The following LAMA1 variants were observed in gnomAD, a reference collection of about 807,000 sequenced individuals.
LAMA1 encodes the protein laminin subunit alpha-1.
In LAMA1, 219 loss-of-function variants were observed where a neutral mutation model predicts 348.7. That is an observed-to-expected ratio of 0.63 (90% CI 0.56 to 0.70). The LOEUF (loss-of-function observed/expected upper bound fraction) is 0.70, where lower values mean the gene tolerates loss of function less well. LAMA1 is among the 30% of genes least tolerant of loss of function. LAMA1 has a pLI of 0.00. For missense variants in LAMA1, 3,744 were observed against 3,888.0 expected, an observed-to-expected ratio of 0.96 and a Z score of 0.99; for synonymous variants, 1,487 against 1,491.0, an observed-to-expected ratio of 1.00 and a Z score of 0.06.
chr18:6,985,625 G>T lies in LAMA1; in HGVS notation c.5398C>A (p.Gln1800Lys). The T allele has an allele frequency of 6.2e-7, 1 of 1,613,474 alleles. No individual in the cohort carries two copies. The highest frequency in any genetic ancestry group is 1.1e-5 in the South Asian group (1 of 91,036). The change falls in exon 38 of 63, where the codon CAA (glutamine) becomes AAA (lysine). Residue 1800 changes from glutamine to lysine, a missense_variant. Physicochemically the swap from Gln to Lys is moderately conservative, Grantham distance 53. This residue lies in a region of LAMA1 where 1,983 missense variants were observed against 1,934.3 expected (regional missense o/e 1.03). Coordinates refer to ENST00000389658, the MANE Select transcript of LAMA1 (RefSeq NM_005559.4). The stretch of plus-strand genomic sequence containing the variant: ...TCTGAGGTCAGATTTTGTTCTTCTT[G>T]AACATGCAGCTTTTTATCCTGCAGC... ...REFSDKKLHV[Q>K]EEQNLTSELI...
At chr18:7,112,723 G>A (rs532352346) in intron 1 of LAMA1, among the ~76,000 whole-genome samples, 7 of 150,578 alleles carry the variant, frequency 4.6e-5, no homozygotes, top group African/African-American at 1.7e-4. Flanking sequence ...CACAACTTCC[G>A]CCTCCAGGGT....
intron 50 of LAMA1, among the ~76,000 whole-genome samples, chr18:6,965,004 A>G (rs940118282): frequency 6.6e-6 from 1 of 152,210 alleles, no homozygotes; most frequent in Non-Finnish European, 1.5e-5. Flanking sequence ...GCTAAATAAG[A>G]GCAGTATGCA....
In LAMA1 at chr18:7,012,592, AC is replaced by A. The variant is rs2057866494; in HGVS notation, c.3364-455del. Among the ~76,000 whole-genome samples, 3 of 149,552 alleles carry A rather than the reference AC, an allele frequency of 2.0e-5. No individual in the cohort carries two copies. In the South Asian group the frequency reaches 6.4e-4, roughly 32 times the overall value. On this transcript the variant is annotated intron_variant, in intron 23 of 62. Transcript: ENST00000389658. Reference sequence around the variant, plus strand: ...ACAATCTTGGCTCACTGCAACCTCCACCCCCCGGGTTCAAGCGATTCTCCTG... The same window carrying A: ...ACAATCTTGGCTCACTGCAACCTCCACCCCCGGGTTCAAGCGATTCTCCTG...
rs192340222 is a variant in LAMA1 at position 6,965,312 on chromosome 18, C to A, written c.7171G>T (p.Ala2391Ser). 2.0e-5 allele frequency: 32 copies of A among 1,614,152 alleles called. No homozygotes were observed. The African/African-American group carries it at 3.9e-4, about 19-fold the overall frequency. ...RYNNGTWYKI[A>S]FQRNRKQGVL... The stretch of plus-strand genomic sequence containing the variant: ...CCTTGCTTCCGGTTTCGCTGGAAGG[C>A]AATTTTGTACCAGGTTCCATTGTTA... The change falls in exon 50 of 63, where the codon GCC becomes TCC. Residue 2391 changes from alanine (A) to serine (S), a missense_variant. By Grantham distance (99) the Ala-to-Ser change is moderately conservative (BLOSUM62 1). This residue lies in a region of LAMA1 where 1,983 missense variants were observed against 1,934.3 expected (regional missense o/e 1.03). Transcript: ENST00000389658.
At position 6,985,284 on chromosome 18, in the gene LAMA1, A is replaced by T; in HGVS notation, c.5613T>A (p.Ala1871=). 1 of 1,614,210 alleles carries T rather than the reference A, an allele frequency of 6.2e-7. No individual in the cohort carries two copies. Among genetic ancestry groups the T allele is most frequent in the Non-Finnish European group, 8.5e-7 (1 of 1,180,046 alleles). The part of the protein sequence containing the change: ...QRNAVDLVYR[A]EDHAAEFQRL... Reference sequence around the variant, plus strand: ...TCTGGAACTCAGCGGCATGGTCCTCAGCTCTGTAGACCAGGTCGACTGCGT... The same window carrying T: ...TCTGGAACTCAGCGGCATGGTCCTCTGCTCTGTAGACCAGGTCGACTGCGT... The change falls in exon 39 of 63, where the codon GCT becomes GCA. Residue 1871 remains alanine (A), a synonymous_variant. Transcript: ENST00000389658.
At chr18:7,105,422 G>C (rs2058307912) in intron 1 of LAMA1, among the ~76,000 whole-genome samples, 1 of 151,532 alleles carries the variant, frequency 6.6e-6, no homozygotes, top group South Asian at 2.1e-4. Flanking sequence ...CTCGGCGACA[G>C]AGTGAGACTT....
At chr18:7,065,600 ACCT>A (rs1304232959) in intron 3 of LAMA1, among the ~76,000 whole-genome samples, 1 of 151,440 alleles carries the variant, frequency 6.6e-6, no homozygotes, top group African/African-American at 2.4e-5. Context: ...GGTGGCACGC[ACCT>A]GTAGTCCCAG....
In LAMA1 at chr18:7,042,315, A is replaced by G. The variant is rs370334917; in HGVS notation, c.1156-65T>C. The G allele has an allele frequency of 2.0e-5, 19 of 949,942 alleles. No individual in the cohort carries two copies. In the East Asian group the frequency reaches 3.6e-4, roughly 18 times the overall value. 58.8% of individuals were successfully genotyped at this position (949,942 alleles called of 1,614,324 possible). ...TAACAGCAATGTTGGCAATAGTATA[A>G]ATAAGAAGGTATTGGCTTTTTACTC... On this transcript the variant is annotated intron_variant, in intron 8 of 62. Coordinates refer to ENST00000389658, the MANE Select transcript of LAMA1 (RefSeq NM_005559.4).
chr18:6,970,272 C>T (rs1043641466), intron 48 of LAMA1, among the ~76,000 whole-genome samples: 3 of 151,602 alleles, frequency 2.0e-5, no homozygotes, highest in East Asian at 1.9e-4. Flanking sequence ...CTTTTTCACA[C>T]GTTTATTGTC....
chr18:7,038,482 C>A, intron 11 of LAMA1: 1 of 396,832 alleles, frequency 2.5e-6, no homozygotes. Flanking sequence ...CTCTGGGCTC[C>A]CAGGCCTGAG....
At chr18:7,100,531 G>A (rs1056005267) in intron 1 of LAMA1, among the ~76,000 whole-genome samples, 1 of 152,172 alleles carries the variant, frequency 6.6e-6, no homozygotes, top group Non-Finnish European at 1.5e-5. Flanking sequence ...AATGTTTACA[G>A]CATTCTTCTT....
intron 18 of LAMA1, 122 bp from the exon 19 acceptor site, chr18:7,023,497 G>A: frequency 4.8e-6 from 4 of 838,690 alleles, no homozygotes; most frequent in Non-Finnish European, 7.9e-6. Flanking sequence ...GATTTACTGT[G>A]AAAGGGATAT....
chr18:7,007,089 C>T (rs1046554500), intron 29 of LAMA1, 50 bp downstream of exon 29: 3 of 1,607,620 alleles, frequency 1.9e-6, no homozygotes, highest in African/African-American at 1.3e-5. Context: ...TGACACTCAG[C>T]GTCCACTTTA....
chr18:6,997,015 T>C (rs1323369794), intron 33 of LAMA1, among the ~76,000 whole-genome samples: 2 of 152,154 alleles, frequency 1.3e-5, no homozygotes, highest in African/African-American at 4.8e-5. Context: ...ATAATATACC[T>C]TAAAGAAGAT....
rs759860964 is a variant in LAMA1, at chr18:7,033,094, A to G, written c.2053T>C (p.Leu685=). The change falls in exon 15 of 63, where the codon TTG becomes CTG. Residue 685 remains leucine, a splice_region_variant and synonymous_variant. Coordinates refer to ENST00000389658, the MANE Select transcript of LAMA1 (RefSeq NM_005559.4). ...YNSAKMALYR[L]ESVSLDIASS... ...GCTATGTCCAGAGAGACGGACTCCAACCTACAAATAGACAGATTGTTATGT... is the reference window on the plus strand; with the variant it reads ...GCTATGTCCAGAGAGACGGACTCCAGCCTACAAATAGACAGATTGTTATGT... 1 of 1,599,846 alleles carries G rather than the reference A, an allele frequency of 6.3e-7. No individual in the cohort carries two copies. The highest frequency in any genetic ancestry group is 1.1e-5 in the South Asian group (1 of 89,576).
chr18:7,110,137 C>A (rs574206234), intron 1 of LAMA1, among the ~76,000 whole-genome samples: 2 of 151,768 alleles, frequency 1.3e-5, no homozygotes, highest in South Asian at 4.2e-4. Context: ...GCCGAGATCA[C>A]GCTACTGCAC....
intron 45 of LAMA1, among the ~76,000 whole-genome samples, chr18:6,975,492 T>G (rs1043605376): frequency 1.3e-5 from 2 of 152,260 alleles, no homozygotes; most frequent in Non-Finnish European, 2.9e-5. Flanking sequence ...AGATACTATA[T>G]GTGCCCGTTA....
At chr18:7,023,032 A>G (rs1598284851) in intron 19 of LAMA1, 132 bp downstream of exon 19, 1 of 933,740 alleles carries the variant, frequency 1.1e-6, no homozygotes, top group African/African-American at 1.6e-5. Flanking sequence ...TCAGAGACCC[A>G]GCATTAATGC....
At chr18:6,976,518 G>T (rs1042526670) in intron 44 of LAMA1, among the ~76,000 whole-genome samples, 7 of 152,132 alleles carry the variant, frequency 4.6e-5, no homozygotes, top group African/African-American at 1.7e-4. Flanking sequence ...GTAATTCGTT[G>T]CATATGTATC....
Sources: gnomAD v4.1 joint callset for allele counts (sites outside exome capture counted in the v4.1 genomes callset) on GRCh38, gnomAD v4.1.1 for gene constraint, gnomAD v4.1.1 regional missense constraint, MANE v1.5 for transcripts, NCBI Gene and HGNC (gene_info 2026-07-23, HGNC 2026-07-21) for gene names.